The following NXPH1 variants were observed in gnomAD, a reference collection of about 807,000 sequenced individuals.
NXPH1 encodes neurexophilin 1, also known as neurexophilin-1.
A neutral mutation model predicts 23.7 loss-of-function variants in NXPH1; 5 were observed. That is an observed-to-expected ratio of 0.21 (90% confidence interval 0.11 to 0.44). The LOEUF (loss-of-function observed/expected upper bound fraction) is 0.44, where lower values mean the gene tolerates loss of function less well. Among genes scored for constraint, NXPH1 ranks in the 20% least tolerant of loss-of-function variants. NXPH1 has a pLI of 0.99. For missense variants in NXPH1, 324 were observed against 321.6 expected, an observed-to-expected ratio of 1.01 and a Z score of -0.06; for synonymous variants, 144 against 122.2, an observed-to-expected ratio of 1.18 and a Z score of -1.18.
intron 2 of NXPH1, among the ~76,000 whole-genome samples, chr7:8,655,586 G>A (rs75692066): frequency 1.5e-5 from 1 of 67,746 alleles, no homozygotes; most frequent in Non-Finnish European, 3.3e-5. Context: ...GTGTGTGTGT[G>A]TGTGTGTATG....
chr7:8,559,364 T>C (rs1443459383), intron 2 of NXPH1, among the ~76,000 whole-genome samples: 1 of 151,776 alleles, frequency 6.6e-6, no homozygotes, highest in Non-Finnish European at 1.5e-5. Context: ...TCTTAGAAGA[T>C]CTGTATTTAC....
chr7:8,532,250 T>C (rs1817958890), intron 2 of NXPH1, among the ~76,000 whole-genome samples: 1 of 152,086 alleles, frequency 6.6e-6, no homozygotes, highest in Non-Finnish European at 1.5e-5. Flanking sequence ...GAATGTAAAA[T>C]AGCTGCAAAG....
At chr7:8,739,206 C>T (rs1000687084) in intron 2 of NXPH1, among the ~76,000 whole-genome samples, 1 of 128,930 alleles carries the variant, frequency 7.8e-6, no homozygotes, top group Non-Finnish European at 1.6e-5. Flanking sequence ...AAAAAAAAAC[C>T]CTGCAGCTAG....
At chr7:8,505,199 A>T (rs2128613149) in intron 2 of NXPH1, among the ~76,000 whole-genome samples, 1 of 151,976 alleles carries the variant, frequency 6.6e-6, no homozygotes, top group East Asian at 1.9e-4. Context: ...TGCTGGCTTG[A>T]TACTTTCTAT....
At chr7:8,596,143 G>C (rs1819217643) in intron 2 of NXPH1, among the ~76,000 whole-genome samples, 1 of 152,004 alleles carries the variant, frequency 6.6e-6, no homozygotes, top group African/African-American at 2.4e-5. Flanking sequence ...AATTAGTTAA[G>C]GTTGAGGACT....
chr7:8,733,186 T>C (rs1240948340), intron 2 of NXPH1, among the ~76,000 whole-genome samples: 1 of 152,246 alleles, frequency 6.6e-6, no homozygotes, highest in Non-Finnish European at 1.5e-5. Flanking sequence ...GCTTCATCCA[T>C]GTCCCTGCAA....
At chr7:8,527,907 C>T (rs1051481543) in intron 2 of NXPH1, among the ~76,000 whole-genome samples, 1 of 152,244 alleles carries the variant, frequency 6.6e-6, no homozygotes, top group African/African-American at 2.4e-5. Context: ...TTTTAATCCA[C>T]TGTCAATGAC....
chr7:8,689,135 T>C (rs1055128877), intron 2 of NXPH1, among the ~76,000 whole-genome samples: 1 of 152,092 alleles, frequency 6.6e-6, no homozygotes, highest in Non-Finnish European at 1.5e-5. Context: ...TGAGAGTATA[T>C]AGGATGGCTA....
At chr7:8,548,908 T>C (rs1442868829) in intron 2 of NXPH1, among the ~76,000 whole-genome samples, 2 of 151,568 alleles carry the variant, frequency 1.3e-5, no homozygotes, top group Admixed American at 6.6e-5. Context: ...TTCTCATCAG[T>C]AAAAGGAGTA....
chr7:8,659,038 A>G (rs1820629426), intron 2 of NXPH1, among the ~76,000 whole-genome samples: 1 of 82,922 alleles, frequency 1.2e-5, no homozygotes, highest in Non-Finnish European at 3.1e-5. Flanking sequence ...CAGAAAAAGT[A>G]TAAGGTGAAT....
intron 2 of NXPH1, among the ~76,000 whole-genome samples, chr7:8,521,329 C>T (rs932864926): frequency 8.5e-5 from 13 of 152,162 alleles, no homozygotes; most frequent in African/African-American, 3.1e-4. Flanking sequence ...TCATCTACAT[C>T]CAGTTTTCCT....
At chr7:8,564,061 A>G (rs892463549) in intron 2 of NXPH1, among the ~76,000 whole-genome samples, 15 of 151,738 alleles carry the variant, frequency 9.9e-5, no homozygotes, top group Admixed American at 7.2e-4. Context: ...GAAACTTCCC[A>G]CCTCCAATCC....
At chr7:8,627,125 T>C (rs1820008677) in intron 2 of NXPH1, among the ~76,000 whole-genome samples, 1 of 152,150 alleles carries the variant, frequency 6.6e-6, no homozygotes, top group Admixed American at 6.6e-5. Context: ...ATGGCTAATA[T>C]ACATTTAAGT....
At chr7:8,601,128 C>A (rs907358611) in intron 2 of NXPH1, among the ~76,000 whole-genome samples, 4 of 152,024 alleles carry the variant, frequency 2.6e-5, no homozygotes, top group Non-Finnish European at 4.4e-5. Flanking sequence ...GTCCTGGAAC[C>A]AATGCCCCTC....
chr7:8,672,877 C>G lies in NXPH1; in HGVS notation c.55-78131C>G, dbSNP rs111533456. On this transcript the variant is annotated intron_variant, in intron 2 of 2. Transcript: ENST00000405863. ...CTTGGCCTGAGCATCTGTTCTTTCC[C>G]CTGTGTGCTGCTAAGGGAAGAGGCA... Among the ~76,000 whole-genome samples, 1,108 of 152,228 alleles carry G rather than the reference C, an allele frequency of 7.3e-3. 10 individuals are homozygous for G. The highest frequency in any genetic ancestry group is 0.026 in the African/African-American group (1,062 of 41,534).
At position 8,486,258 on chromosome 7, in the gene NXPH1, A is replaced by G. The variant is rs185563851; in HGVS notation, c.54+50491A>G. ...GGCATTGTGCCTCTCCTGATGTAGG[A>G]AGACCTAGAGGAGTAGAGCAGAATA... On this transcript the variant is annotated intron_variant, in intron 2 of 2. Transcript: ENST00000405863. Among the ~76,000 whole-genome samples, 14 of 152,288 alleles carry G rather than the reference A, an allele frequency of 9.2e-5. No individual in the cohort carries two copies. The East Asian group carries it at 2.5e-3, about 27-fold the overall frequency.
Position 8,733,337 on chromosome 7 carries a change from A to T in NXPH1, c.55-17671A>T, listed in dbSNP as rs907056093. ...TATTGTGAATAGTGCTGCAATAAAC[A>T]TATGCATGTATGTGTCTTTATAGTA... On this transcript the variant is annotated intron_variant, in intron 2 of 2. Coordinates refer to ENST00000405863, the MANE Select transcript of NXPH1 (RefSeq NM_152745.3). Among the ~76,000 whole-genome samples the T allele has an allele frequency of 2.6e-5, 4 of 152,192 alleles. No individual in the cohort carries two copies. The East Asian group carries it at 7.7e-4, about 29-fold the overall frequency.
chr7:8,622,742 G>A (rs2115125413), intron 2 of NXPH1, among the ~76,000 whole-genome samples: 1 of 152,282 alleles, frequency 6.6e-6, no homozygotes, highest in East Asian at 1.9e-4. Context: ...AGAACTTTGT[G>A]CAAACGCTAC....
In NXPH1 at chr7:8,677,396, T is replaced by C. The variant is rs1376145320; in HGVS notation, c.55-73612T>C. Among the ~76,000 whole-genome samples, 3 of 152,186 alleles carry C rather than the reference T, an allele frequency of 2.0e-5. No individual in the cohort carries two copies. The East Asian group carries it at 5.8e-4, about 29-fold the overall frequency. On this transcript the variant is annotated intron_variant, in intron 2 of 2. Transcript: ENST00000405863. ...TAATGGGAAGGTATTTAGAAGTGCA[T>C]TTAAGAAATGACAGACCAAAGAGAA...
Sources: allele counts gnomAD v4.1 joint callset (sites outside exome capture counted in the v4.1 genomes callset), GRCh38; gene constraint gnomAD v4.1.1; transcripts MANE v1.5; gene names NCBI Gene and HGNC (gene_info 2026-07-23, HGNC 2026-07-21).